ANO3: variants seen among roughly 807,000 people sequenced by gnomAD.
ANO3 encodes anoctamin 3, also known as anoctamin-3.
A neutral mutation model predicts 144.8 loss-of-function variants in ANO3; 99 were observed. The ratio of observed to expected loss-of-function variants is 0.68; its 90% confidence interval spans 0.58 to 0.81. ANO3 has a LOEUF of 0.81. ANO3 is among the 30% of genes least tolerant of loss of function. The pLI is 0.00. For synonymous variants in ANO3, 414 were observed against 392.6 expected (o/e 1.05, Z -0.64); for missense variants, 905 against 1,202.2 (o/e 0.75, Z 3.66).
chr11:26,387,130 AT>A lies in ANO3; in HGVS notation c.47-54765del, dbSNP rs372622053. The stretch of plus-strand genomic sequence containing the variant: ...TATAGTTATTTGATGCAAATGTAGT[AT>A]TTTTTTTTTTTTTTTTTTTTTTAGT... On this transcript the variant is annotated intron_variant, in intron 1 of 26. Coordinates refer to ENST00000256737, the MANE Select transcript of ANO3 (RefSeq NM_031418.4). Among the ~76,000 whole-genome samples, 335 of 128,344 alleles carry A rather than the reference AT, an allele frequency of 2.6e-3. 1 individual carries two copies. The highest frequency in any genetic ancestry group is 0.025 in the Middle Eastern group (6 of 242). 84.2% of individuals were successfully genotyped at this position (128,344 alleles called of 152,430 possible).
At chr11:26,315,873 A>G (rs908553419) in intron 1 of ANO3, among the ~76,000 whole-genome samples, 1 of 152,178 alleles carries the variant, frequency 6.6e-6, no homozygotes, top group Non-Finnish European at 1.5e-5. Flanking sequence ...TAACCTTAAA[A>G]TGTTTGATAG....
At chr11:26,201,817 G>A (rs1240880135) in intron 1 of ANO3, among the ~76,000 whole-genome samples, 2 of 147,632 alleles carry the variant, frequency 1.4e-5, no homozygotes, top group South Asian at 2.2e-4. Flanking sequence ...ACTCTTTCTT[G>A]GTCTCAGTTT....
intron 17 of ANO3, among the ~76,000 whole-genome samples, chr11:26,606,127 G>T (rs1480299634): frequency 6.6e-6 from 1 of 152,132 alleles, no homozygotes; most frequent in Non-Finnish European, 1.5e-5. Context: ...AGAGATTCTT[G>T]TATGTTGTGT....
chr11:26,422,818 A>G (rs1487245762), intron 1 of ANO3, among the ~76,000 whole-genome samples: 1 of 152,058 alleles, frequency 6.6e-6, no homozygotes, highest in African/African-American at 2.4e-5. Flanking sequence ...AGTAATGCCA[A>G]GCAAGGATGT....
intron 4 of ANO3, among the ~76,000 whole-genome samples, chr11:26,496,355 C>T (rs1860939859): frequency 6.6e-6 from 1 of 152,078 alleles, no homozygotes; most frequent in African/African-American, 2.4e-5. Context: ...CCAGTGTATC[C>T]CTGGCACCTA....
At chr11:26,291,985 G>A (rs12295686) in intron 1 of ANO3, among the ~76,000 whole-genome samples, 5,032 of 152,144 alleles carry the variant, frequency 0.033, 153 homozygotes, top group African/African-American at 0.088. Flanking sequence ...GTTCTCCCGG[G>A]TAATATCCTG....
At chr11:26,299,274 G>A (rs1039724910) in intron 1 of ANO3, among the ~76,000 whole-genome samples, 2 of 152,164 alleles carry the variant, frequency 1.3e-5, no homozygotes, top group Non-Finnish European at 2.9e-5. Flanking sequence ...AGGAAAGTGT[G>A]ATTAATTATA....
chr11:26,246,063 C>G (rs762810812), intron 1 of ANO3, among the ~76,000 whole-genome samples: 27 of 152,114 alleles, frequency 1.8e-4, no homozygotes, highest in Non-Finnish European at 3.1e-4. Flanking sequence ...CACCTTCATT[C>G]TGTGATCTGG....
At chr11:26,580,934 G>A (rs1468605172) in intron 14 of ANO3, among the ~76,000 whole-genome samples, 1 of 152,202 alleles carries the variant, frequency 6.6e-6, no homozygotes, top group African/African-American at 2.4e-5. Flanking sequence ...CTGGTGGGAT[G>A]AGCAGCTCAC....
intron 1 of ANO3, among the ~76,000 whole-genome samples, chr11:26,225,483 T>C (rs1465145419): frequency 1.3e-5 from 2 of 152,156 alleles, no homozygotes; most frequent in Admixed American, 6.5e-5. Flanking sequence ...TCCCTATGAC[T>C]TTTAGCTTCA....
At chr11:26,495,445 CT>C (rs1565060447) in intron 4 of ANO3, among the ~76,000 whole-genome samples, 21 of 152,010 alleles carry the variant, frequency 1.4e-4, no homozygotes, top group African/African-American at 3.9e-4. Context: ...AACTCCTGTA[CT>C]GGAAAGAGCT....
At chr11:26,296,797 G>A (rs751388217) in intron 1 of ANO3, among the ~76,000 whole-genome samples, 28 of 152,128 alleles carry the variant, frequency 1.8e-4, no homozygotes, top group Admixed American at 3.9e-4. Context: ...ATATATCAGC[G>A]AAGGAGACAG....
chr11:26,505,373 T>C (rs1294918690), intron 4 of ANO3, among the ~76,000 whole-genome samples: 2 of 152,168 alleles, frequency 1.3e-5, no homozygotes. Flanking sequence ...GAGATGTTCA[T>C]TAGACATCCA....
Position 26,366,171 on chromosome 11 carries a change from T to G in ANO3, c.46+33850T>G, listed in dbSNP as rs1856077398. Among the ~76,000 whole-genome samples the G allele has an allele frequency of 1.3e-5, 2 of 151,320 alleles. 1 individual carries two copies. The highest frequency in any genetic ancestry group is 4.8e-5 in the African/African-American group (2 of 41,314). On this transcript the variant is annotated intron_variant, in intron 1 of 26. Transcript: ENST00000256737. Reference sequence around the variant, plus strand: ...CCCCTCACCCCACAACAGGCTCCGGTGTGTGATGTTCCCCCTCCTATGTCC... The same window carrying G: ...CCCCTCACCCCACAACAGGCTCCGGGGTGTGATGTTCCCCCTCCTATGTCC...
At chr11:26,454,394 T>C (rs894527555) in intron 3 of ANO3, among the ~76,000 whole-genome samples, 6 of 151,950 alleles carry the variant, frequency 3.9e-5, no homozygotes, top group Non-Finnish European at 8.8e-5. Flanking sequence ...ATAAAGGGGA[T>C]ATCACCACTG....
chr11:26,590,073 C>T (rs916229464), intron 14 of ANO3, among the ~76,000 whole-genome samples: 6 of 152,144 alleles, frequency 3.9e-5, no homozygotes, highest in African/African-American at 1.4e-4. Flanking sequence ...CTGCCCTTTA[C>T]CCTCTAAGAG....
chr11:26,426,906 C>T (rs1167787637), intron 1 of ANO3: 5 of 152,310 alleles, frequency 3.3e-5, no homozygotes, highest in African/African-American at 4.8e-5. Context: ...TTCGTTCTGT[C>T]CAGTGGCTAC....
chr11:26,371,305 AT>A (rs1387416111), intron 1 of ANO3, among the ~76,000 whole-genome samples: 1 of 152,212 alleles, frequency 6.6e-6, no homozygotes, highest in African/African-American at 2.4e-5. Context: ...ACAAAAGACA[AT>A]ATTTGCATTT....
rs775558080 is a variant in ANO3 at position 26,624,451 on chromosome 11, T to C, written c.1837-11T>C. ...GGAATAATGTTCACTATGTATTCTC[T>C]TTTATTACAGGCTTATGAAAAAATT... On this transcript the variant is annotated splice_polypyrimidine_tract_variant and intron_variant, in intron 17 of 26. Coordinates refer to ENST00000256737, the MANE Select transcript of ANO3 (RefSeq NM_031418.4). 6 of 1,596,896 alleles carry C rather than the reference T, an allele frequency of 3.8e-6. No homozygotes were observed. In the South Asian group the frequency reaches 4.4e-5, roughly 12 times the overall value.
Sources: allele counts gnomAD v4.1 joint callset (sites outside exome capture counted in the v4.1 genomes callset), GRCh38; gene constraint gnomAD v4.1.1; transcripts MANE v1.5; gene names NCBI Gene and HGNC (gene_info 2026-07-23, HGNC 2026-07-21).